Variants in LPAR3 observed in about 807,000 individuals in gnomAD.
LPAR3 encodes lysophosphatidic acid receptor 3.
In LPAR3, 7 loss-of-function variants were observed where a neutral mutation model predicts 17.8. That is an observed-to-expected ratio of 0.39 (90% CI 0.22 to 0.74). LPAR3 has a LOEUF of 0.74. LPAR3 is among the 30% of genes least tolerant of loss of function. The pLI is 0.40. For synonymous variants in LPAR3, 179 were observed against 179.9 expected, an observed-to-expected ratio of 0.99 and a Z score of 0.04; for missense variants, 391 against 453.4, an observed-to-expected ratio of 0.86 and a Z score of 1.25.
At chr1:84,874,524 T>C (rs148090905) in intron 1 of LPAR3, among the ~76,000 whole-genome samples, 11 of 152,354 alleles carry the variant, frequency 7.2e-5, no homozygotes, top group African/African-American at 2.6e-4. Context: ...GTCTTAAGCA[T>C]ATTCATTAAA....
At chr1:84,859,198 A>G (rs994129117) in intron 2 of LPAR3, among the ~76,000 whole-genome samples, 1 of 152,210 alleles carries the variant, frequency 6.6e-6, no homozygotes, top group Non-Finnish European at 1.5e-5. Context: ...TGTGATTATT[A>G]TTAGTACTCT....
chr1:84,832,804 A>G (rs1268409073), intron 2 of LPAR3, among the ~76,000 whole-genome samples: 1 of 152,212 alleles, frequency 6.6e-6, no homozygotes, highest in Non-Finnish European at 1.5e-5. Flanking sequence ...CTAGAACAGA[A>G]GAGTGTGAGG....
chr1:84,892,463 G>A (rs1398902346), intron 1 of LPAR3, among the ~76,000 whole-genome samples: 2 of 152,056 alleles, frequency 1.3e-5, no homozygotes, highest in East Asian at 3.9e-4. Flanking sequence ...GTGGTGAGGG[G>A]GCATACCCTG....
chr1:84,869,181 T>C (rs77944938), intron 1 of LPAR3, among the ~76,000 whole-genome samples: 3,429 of 152,328 alleles, frequency 0.023, 47 homozygotes, highest in Non-Finnish European at 0.037. Flanking sequence ...GAATTTTTAA[T>C]TATATCAAGC....
chr1:84,869,343 A>G (rs1488142831), intron 1 of LPAR3, among the ~76,000 whole-genome samples: 1 of 152,224 alleles, frequency 6.6e-6, no homozygotes, highest in Non-Finnish European at 1.5e-5. Flanking sequence ...CAGAAAAACT[A>G]TGATTAGCCA....
At chr1:84,818,512 C>A (rs147773082) in intron 2 of LPAR3, among the ~76,000 whole-genome samples, 2,252 of 152,056 alleles carry the variant, frequency 0.015, 52 homozygotes, top group African/African-American at 0.051. Flanking sequence ...AGTGTGTGTG[C>A]GATGCACGCA....
At chr1:84,873,845 C>T (rs1031417912) in intron 1 of LPAR3, among the ~76,000 whole-genome samples, 9 of 151,950 alleles carry the variant, frequency 5.9e-5, no homozygotes, top group African/African-American at 1.7e-4. Flanking sequence ...CTCCGCCTCC[C>T]GGGTTCAAGT....
chr1:84,835,690 T>C (rs1393505981), intron 2 of LPAR3, among the ~76,000 whole-genome samples: 3 of 152,306 alleles, frequency 2.0e-5, no homozygotes, highest in South Asian at 2.1e-4. Context: ...TCAAAAAATA[T>C]AGACCAAGTA....
chr1:84,827,233 G>A (rs1055240688), intron 2 of LPAR3, among the ~76,000 whole-genome samples: 1 of 152,058 alleles, frequency 6.6e-6, no homozygotes, highest in Admixed American at 6.6e-5. Flanking sequence ...AAAAGCACAG[G>A]GAAACATATT....
intron 1 of LPAR3, among the ~76,000 whole-genome samples, chr1:84,877,061 G>A (rs1021113684): frequency 3.3e-5 from 5 of 152,272 alleles, no homozygotes; most frequent in African/African-American, 1.2e-4. Flanking sequence ...CTGTATTCCA[G>A]CCTTGTGCAC....
At chr1:84,828,551 G>C (rs1395013220) in intron 2 of LPAR3, among the ~76,000 whole-genome samples, 1 of 152,106 alleles carries the variant, frequency 6.6e-6, no homozygotes, top group Non-Finnish European at 1.5e-5. Flanking sequence ...TCAATCCCAA[G>C]AATATGGCAA....
chr1:84,874,397 C>G (rs111951432), intron 1 of LPAR3, among the ~76,000 whole-genome samples: 2,857 of 152,258 alleles, frequency 0.019, 98 homozygotes, highest in African/African-American at 0.064. Flanking sequence ...CTCTCCCAAT[C>G]AAGTGGGGTT....
At chr1:84,879,316 C>CTTTTTTCTTTTT (rs1553149965) in intron 1 of LPAR3, among the ~76,000 whole-genome samples, 34 of 120,618 alleles carry the variant, frequency 2.8e-4, no homozygotes, top group East Asian at 4.3e-4. Flanking sequence ...TTTCTTTTTT[C>CTTTTTTCTTTTT]TTTTTTTTTT....
chr1:84,884,851 T>C (rs1293771464), intron 1 of LPAR3, among the ~76,000 whole-genome samples: 2 of 152,230 alleles, frequency 1.3e-5, no homozygotes, highest in South Asian at 2.1e-4. Flanking sequence ...GGAATTTGCA[T>C]TTGTGGAAAG....
rs534625236 is a variant in LPAR3, at chr1:84,843,179, C to T, written c.736+22206G>A. ...CTGCAGAAAATCTAACTCCTGTCTT[C>T]ACCTTCACATTTAAAACTCCATTTC... is the stretch of plus-strand genomic sequence containing the variant. On this transcript the variant is annotated intron_variant, in intron 2 of 2. Coordinates refer to ENST00000370611, the MANE Select transcript of LPAR3 (RefSeq NM_012152.3). Among the ~76,000 whole-genome samples the T allele has an allele frequency of 6.6e-5, 10 of 152,318 alleles. No individual in the cohort carries two copies. The South Asian group carries it at 2.1e-3, about 32-fold the overall frequency.
chr1:84,863,757 G>A (rs1157435077), intron 2 of LPAR3, among the ~76,000 whole-genome samples: 3 of 152,144 alleles, frequency 2.0e-5, no homozygotes, highest in Non-Finnish European at 2.9e-5. Context: ...ACACCCCTTG[G>A]ATGTCTAATA....
chr1:84,838,819 C>T (rs1387361273), intron 2 of LPAR3, among the ~76,000 whole-genome samples: 1 of 152,198 alleles, frequency 6.6e-6, no homozygotes, highest in African/African-American at 2.4e-5. Flanking sequence ...CTGACCCGCC[C>T]ACCTCTCTGC....
At chr1:84,814,296 G>T in intron 2 of LPAR3, 125 bp from the exon 3 acceptor site, 1 of 725,502 alleles carries the variant, frequency 1.4e-6, no homozygotes, top group Non-Finnish European at 2.2e-6. Flanking sequence ...ACAACTGCAA[G>T]GCAAACTTCC....
Position 84,813,725 on chromosome 1 carries a change from C to G in LPAR3, c.*121G>C. 1 of 816,776 alleles carries G rather than the reference C, an allele frequency of 1.2e-6. No homozygotes were observed. Among genetic ancestry groups the G allele is most frequent in the Admixed American group, 2.9e-5 (1 of 34,584 alleles). 50.6% of individuals were successfully genotyped at this position (816,776 alleles called of 1,614,324 possible). ...ATGAAAAAAAATTTTTTAAAGAAAT[C>G]TAGCAGTGATTAATGGAGACCTCAA... On this transcript the variant is annotated 3_prime_UTR_variant, in exon 3 of 3. Transcript: ENST00000370611.
Sources: allele counts gnomAD v4.1 joint callset (sites outside exome capture counted in the v4.1 genomes callset), GRCh38; gene constraint gnomAD v4.1.1; transcripts MANE v1.5; gene names NCBI Gene and HGNC (gene_info 2026-07-23, HGNC 2026-07-21).